Variants in NAV3 observed in about 807,000 individuals in gnomAD.
NAV3 encodes the protein pore membrane and/or filament interacting like protein 1.
In NAV3, 87 loss-of-function variants were observed where a neutral mutation model predicts 244.7. That is an observed-to-expected ratio of 0.36 (90% CI 0.30 to 0.42). The LOEUF (loss-of-function observed/expected upper bound fraction) is 0.42, where lower values mean the gene tolerates loss of function less well. Ranked by LOEUF, NAV3 falls within the 20% of genes least tolerant of loss-of-function variation. The probability of loss-of-function intolerance (pLI) is 1.00; values close to 1 mark genes in which losing one functional copy is unlikely to be tolerated. For synonymous variants in NAV3, 1,126 were observed against 1,042.2 expected (o/e 1.08, Z -1.55); for missense variants, 2,663 against 2,893.3 (o/e 0.92, Z 1.83).
At chr12:77,863,848 G>A (rs1879618053) in intron 1 of NAV3, among the ~76,000 whole-genome samples, 1 of 151,806 alleles carries the variant, frequency 6.6e-6, no homozygotes, top group South Asian at 2.1e-4. Context: ...CTTAAAGACA[G>A]TTTACTCAAA....
chr12:78,047,044 G>C (rs764494998), intron 9 of NAV3, among the ~76,000 whole-genome samples: 1 of 152,058 alleles, frequency 6.6e-6, no homozygotes. Context: ...TCAGAGTCTA[G>C]AATTGTAACC....
chr12:77,856,908 A>G (rs1446335350), intron 1 of NAV3, among the ~76,000 whole-genome samples: 1 of 152,130 alleles, frequency 6.6e-6, no homozygotes, highest in Non-Finnish European at 1.5e-5. Context: ...TAGACTTTGG[A>G]CAACGGAAGG....
At chr12:77,956,669 G>C (rs1454051427) in intron 3 of NAV3, among the ~76,000 whole-genome samples, 1 of 152,052 alleles carries the variant, frequency 6.6e-6, no homozygotes, top group African/African-American at 2.4e-5. Context: ...TAGTTGCTCT[G>C]GTTGGTATGC....
intron 1 of NAV3, among the ~76,000 whole-genome samples, chr12:77,865,128 G>C (rs935488073): frequency 6.6e-6 from 1 of 151,980 alleles, no homozygotes. Context: ...TAGTGGGTGA[G>C]GGAATCTAAG....
chr12:78,049,342 A>G (rs1882371585), intron 9 of NAV3, among the ~76,000 whole-genome samples: 1 of 151,898 alleles, frequency 6.6e-6, no homozygotes, highest in Non-Finnish European at 1.5e-5. Flanking sequence ...GGTGGTGTGG[A>G]CACCCAATGG....
chr12:77,975,391 A>G (rs996988814), intron 5 of NAV3, among the ~76,000 whole-genome samples: 3 of 152,230 alleles, frequency 2.0e-5, no homozygotes, highest in African/African-American at 4.8e-5. Context: ...TAGTAATTGG[A>G]GATAACACAA....
At chr12:77,933,592 T>C (rs575398419) in intron 1 of NAV3, among the ~76,000 whole-genome samples, 42 of 152,318 alleles carry the variant, frequency 2.8e-4, no homozygotes, top group Middle Eastern at 3.4e-3. Flanking sequence ...AATGTGAATA[T>C]TGAGGTGAAC....
intron 2 of NAV3, among the ~76,000 whole-genome samples, chr12:77,727,107 G>C (rs1175581716): frequency 6.6e-6 from 1 of 151,814 alleles, no homozygotes; most frequent in Non-Finnish European, 1.5e-5. Context: ...CAGATTTGTC[G>C]ATAGAGATGG....
At chr12:77,658,969 T>C (rs188640399) in intron 2 of NAV3, among the ~76,000 whole-genome samples, 2 of 152,246 alleles carry the variant, frequency 1.3e-5, no homozygotes, top group East Asian at 3.9e-4. Context: ...CAAGATGGAT[T>C]AAAGACTTAA....
intron 2 of NAV3, among the ~76,000 whole-genome samples, chr12:77,656,410 A>C (rs2137013335): frequency 8.0e-6 from 1 of 124,948 alleles, no homozygotes; most frequent in African/African-American, 3.5e-5. Flanking sequence ...GGAGCTAACT[A>C]TCCTAAATAT....
At chr12:78,198,748 G>A (rs773474532) in intron 36 of NAV3, 72 bp downstream of exon 36, 7 of 882,604 alleles carry the variant, frequency 7.9e-6, no homozygotes, top group Middle Eastern at 2.5e-4. Context: ...GAGGGGGTTG[G>A]CATTGTTTCT....
At chr12:77,655,008 A>G (rs1405808111) in intron 2 of NAV3, among the ~76,000 whole-genome samples, 2 of 151,898 alleles carry the variant, frequency 1.3e-5, no homozygotes, top group Non-Finnish European at 2.9e-5. Flanking sequence ...AAAGATGGGG[A>G]AAAAACAGAG....
chr12:77,798,136 T>C (rs947816740), intron 2 of NAV3, among the ~76,000 whole-genome samples: 5 of 150,368 alleles, frequency 3.3e-5, no homozygotes, highest in African/African-American at 1.2e-4. Context: ...CACTCCCTCC[T>C]GGGCCACAGA....
At chr12:77,772,709 A>G (rs1219652614) in intron 2 of NAV3, among the ~76,000 whole-genome samples, 1 of 152,162 alleles carries the variant, frequency 6.6e-6, no homozygotes, top group Non-Finnish European at 1.5e-5. Flanking sequence ...TCACACGAGA[A>G]CCTGTTTTAA....
intron 2 of NAV3, among the ~76,000 whole-genome samples, chr12:77,740,384 T>C (rs2137388959): frequency 6.6e-6 from 1 of 152,074 alleles, no homozygotes; most frequent in Non-Finnish European, 1.5e-5. Context: ...AAAAGGGCAA[T>C]TTTAGACATC....
At chr12:77,842,856 CTA>C (rs1875928298) in intron 1 of NAV3, among the ~76,000 whole-genome samples, 1 of 152,106 alleles carries the variant, frequency 6.6e-6, no homozygotes, top group Non-Finnish European at 1.5e-5. Context: ...TGGTATAAGA[CTA>C]TTTGTATCCA....
chr12:78,007,283 C>T lies in NAV3; in HGVS notation c.1745C>T (p.Pro582Leu), dbSNP rs747062174. The change falls in exon 8 of 40, where the codon CCT becomes CTT. Residue 582 changes from proline (P) to leucine (L), a missense_variant. This residue lies in a region of NAV3 where 1,521 missense variants were observed against 1,497.0 expected (regional missense o/e 1.02). Transcript: ENST00000397909. The stretch of plus-strand genomic sequence containing the variant: ...GCAAGTGCTTCTAGTTGTCCTGCCC[C>T]TTTGGAAGGAAGGGAAGCTGGCCAA... ...EKASASSCPA[P>L]LEGREAGQAS... 1.9e-6 allele frequency: 3 copies of T among 1,614,056 alleles called. No individual in the cohort carries two copies. The highest frequency in any genetic ancestry group is 3.3e-5 in the Admixed American group (2 of 60,006).
chr12:77,706,826 G>C (rs1214778979), intron 2 of NAV3, among the ~76,000 whole-genome samples: 1 of 119,794 alleles, frequency 8.3e-6, no homozygotes, highest in Admixed American at 1.1e-4. Context: ...AGCCGAGATA[G>C]TGCCACTGCA....
chr12:77,682,853 AT>A (rs1369930370), intron 2 of NAV3, among the ~76,000 whole-genome samples: 1 of 151,736 alleles, frequency 6.6e-6, no homozygotes. Context: ...TAATTGTATT[AT>A]TTGTTTTGTT....
Sources: allele counts gnomAD v4.1 joint callset (sites outside exome capture counted in the v4.1 genomes callset), GRCh38; gene constraint gnomAD v4.1.1; regional missense constraint gnomAD v4.1.1; transcripts MANE v1.5; gene names NCBI Gene and HGNC (gene_info 2026-07-23, HGNC 2026-07-21).